AGPS: variants seen among roughly 807,000 people sequenced by gnomAD.
AGPS encodes the protein alkyldihydroxyacetonephosphate synthase, peroxisomal.
AGPS carries 26 observed loss-of-function variants against 90.7 expected under a neutral mutation model. The ratio of observed to expected loss-of-function variants is 0.29; its 90% confidence interval spans 0.21 to 0.40. The LOEUF (loss-of-function observed/expected upper bound fraction) is 0.40. Ranked by LOEUF, AGPS falls within the 10% of genes least tolerant of loss-of-function variation. AGPS has a pLI of 1.00. For synonymous variants in AGPS, 294 were observed against 285.3 expected (o/e 1.03, Z -0.31); for missense variants, 540 against 816.1 (o/e 0.66, Z 4.12).
At chr2:177,440,550 A>G (rs1686573389) in intron 5 of AGPS, among the ~76,000 whole-genome samples, 1 of 152,296 alleles carries the variant, frequency 6.6e-6, no homozygotes, top group South Asian at 2.1e-4. Context: ...TAAAGAAGAC[A>G]CAAGGCAACT....
intron 8 of AGPS, among the ~76,000 whole-genome samples, chr2:177,447,699 C>T (rs977093236): frequency 6.6e-6 from 1 of 151,420 alleles, no homozygotes; most frequent in African/African-American, 2.4e-5. Flanking sequence ...GATATTTTAC[C>T]TACTAGTTCA....
At chr2:177,426,880 C>T (rs556685966) in intron 2 of AGPS, among the ~76,000 whole-genome samples, 5 of 152,206 alleles carry the variant, frequency 3.3e-5, no homozygotes, top group African/African-American at 9.6e-5. Flanking sequence ...TGATGCTGAT[C>T]TCATAAAAGG....
At chr2:177,535,315 C>T (rs575509378) in intron 19 of AGPS, among the ~76,000 whole-genome samples, 1 of 152,250 alleles carries the variant, frequency 6.6e-6, no homozygotes, top group East Asian at 1.9e-4. Flanking sequence ...ATATGGTGTG[C>T]TACATAAGGG....
intron 1 of AGPS, among the ~76,000 whole-genome samples, chr2:177,395,128 C>T (rs1685136879): frequency 6.6e-6 from 1 of 152,108 alleles, no homozygotes; most frequent in Admixed American, 6.5e-5. Context: ...TATGTGTTCT[C>T]ATTTGTATGC....
chr2:177,499,593 A>G (rs1260848244), intron 13 of AGPS, 25 bp from the exon 14 acceptor site: 1 of 1,390,838 alleles, frequency 7.2e-7, no homozygotes, highest in Non-Finnish European at 1.0e-6. Context: ...CTTATCTGTA[A>G]TAATAAATTT....
chr2:177,522,576 A>G (rs1054125730), intron 18 of AGPS, among the ~76,000 whole-genome samples: 1 of 151,968 alleles, frequency 6.6e-6, no homozygotes, highest in Non-Finnish European at 1.5e-5. Flanking sequence ...CAGCCTCCTG[A>G]GTAGCTGGGA....
Position 177,513,873 on chromosome 2 carries a change from G to A in AGPS, c.1662G>A (p.Glu554=), listed in dbSNP as rs771105736. The change falls in exon 17 of 20, where the codon GAG becomes GAA. Residue 554 remains glutamate (E), a synonymous_variant. Coordinates refer to ENST00000264167, the MANE Select transcript of AGPS (RefSeq NM_003659.4). The stretch of plus-strand genomic sequence containing the variant: ...AAAGAATAACAAGGGAATGCAAAGA[G>A]AAGGGTGTTCAGTTTGCTCCTTTTT... ...VKERITRECK[E]KGVQFAPFST... is the part of the protein sequence containing the mutation. 3.1e-6 allele frequency: 5 copies of A among 1,613,832 alleles called. No homozygotes were observed. Among genetic ancestry groups the A allele is most frequent in the Non-Finnish European group, 4.2e-6 (5 of 1,179,782 alleles).
In AGPS at chr2:177,541,682, T is replaced by C. The variant is rs1419185442; in HGVS notation, c.*3487T>C. On this transcript the variant is annotated 3_prime_UTR_variant, in exon 20 of 20. Coordinates refer to ENST00000264167, the MANE Select transcript of AGPS (RefSeq NM_003659.4). ...AAAAGTGGAAAATAACAAGTGCCCATTTAGGTTTGAAGAATCCAGAATGTT... is the reference window on the plus strand; with the variant it reads ...AAAAGTGGAAAATAACAAGTGCCCACTTAGGTTTGAAGAATCCAGAATGTT... 6.6e-6 allele frequency: 1 copy of C among 152,186 alleles called. No individual in the cohort carries two copies. Among genetic ancestry groups the C allele is most frequent in the East Asian group, 1.9e-4 (1 of 5,202 alleles). The allele number at this position is 152,186 out of a possible 1,614,324, so 9.4% of individuals were successfully genotyped here.
intron 5 of AGPS, 30 bp from the exon 6 acceptor site, chr2:177,440,935 T>G: frequency 6.3e-7 from 1 of 1,578,444 alleles, no homozygotes. Flanking sequence ...TATGCCTCTG[T>G]AATTAATTTA....
chr2:177,517,762 A>G (rs1689063969), intron 17 of AGPS, among the ~76,000 whole-genome samples: 1 of 152,226 alleles, frequency 6.6e-6, no homozygotes, highest in Non-Finnish European at 1.5e-5. Flanking sequence ...TAATTATAGT[A>G]TGATTATCAA....
At chr2:177,499,801 T>C (rs1688507984) in intron 14 of AGPS, 71 bp downstream of exon 14, 1 of 1,005,064 alleles carries the variant, frequency 9.9e-7, no homozygotes. Context: ...CAAGCAATTA[T>C]TAAAGTACTA....
intron 8 of AGPS, among the ~76,000 whole-genome samples, chr2:177,453,390 G>A (rs1302323899): frequency 6.6e-6 from 1 of 151,542 alleles, no homozygotes; most frequent in Non-Finnish European, 1.5e-5. Context: ...TCCTGCCTCA[G>A]CCTCCAGAGT....
intron 17 of AGPS, among the ~76,000 whole-genome samples, chr2:177,518,379 T>G (rs1402984883): frequency 6.6e-6 from 1 of 151,944 alleles, no homozygotes; most frequent in Non-Finnish European, 1.5e-5. Context: ...GAGGTTGCAG[T>G]GAGCCAAGAT....
At chr2:177,398,527 A>G (rs1443413661) in intron 1 of AGPS, among the ~76,000 whole-genome samples, 1 of 152,190 alleles carries the variant, frequency 6.6e-6, no homozygotes, top group African/African-American at 2.4e-5. Context: ...TTCTTGCTCC[A>G]GAGTCCATAT....
chr2:177,437,675 G>C (rs1409860698), intron 5 of AGPS, among the ~76,000 whole-genome samples: 1 of 152,086 alleles, frequency 6.6e-6, no homozygotes, highest in African/African-American at 2.4e-5. Flanking sequence ...ATTGTTCCTT[G>C]CTGTCCATTA....
At chr2:177,428,563 TC>T (rs1686146557) in intron 2 of AGPS, among the ~76,000 whole-genome samples, 1 of 152,042 alleles carries the variant, frequency 6.6e-6, no homozygotes, top group Non-Finnish European at 1.5e-5. Flanking sequence ...AGGATCTTCT[TC>T]TTCGCTTATG....
intron 1 of AGPS, among the ~76,000 whole-genome samples, chr2:177,409,349 T>TGTC (rs1685554986): frequency 6.6e-6 from 1 of 151,990 alleles, no homozygotes; most frequent in African/African-American, 2.4e-5. Flanking sequence ...TCCCAATCAT[T>TGTC]GTCCCTCCCC....
At chr2:177,395,241 C>A (rs1279061431) in intron 1 of AGPS, among the ~76,000 whole-genome samples, 1 of 152,100 alleles carries the variant, frequency 6.6e-6, no homozygotes, top group Non-Finnish European at 1.5e-5. Context: ...TTACAGCATT[C>A]AGAGAAAAAA....
At chr2:177,421,942 CAA>C (rs1288049678) in intron 2 of AGPS, among the ~76,000 whole-genome samples, 1 of 151,982 alleles carries the variant, frequency 6.6e-6, no homozygotes, top group East Asian at 1.9e-4. Context: ...TGTATTTCAG[CAA>C]AGTCTTCTGT....
Sources: gnomAD v4.1 joint callset for allele counts (sites outside exome capture counted in the v4.1 genomes callset) on GRCh38, gnomAD v4.1.1 for gene constraint, MANE v1.5 for transcripts, NCBI Gene and HGNC (gene_info 2026-07-23, HGNC 2026-07-21) for gene names.